The following NKAIN1 variants were observed in gnomAD, a reference collection of about 807,000 sequenced individuals.
NKAIN1 encodes sodium/potassium transporting ATPase interacting 1.
In NKAIN1, 13 loss-of-function variants were observed where a neutral mutation model predicts 31.6. That is an observed-to-expected ratio of 0.41 (90% CI 0.27 to 0.65). The LOEUF is 0.65. Among genes scored for constraint, NKAIN1 ranks in the 30% least tolerant of loss-of-function variants. NKAIN1 has a pLI of 0.30. For missense variants in NKAIN1, 193 were observed against 262.2 expected, an observed-to-expected ratio of 0.74 and a Z score of 1.82; for synonymous variants, 104 against 109.0, an observed-to-expected ratio of 0.95 and a Z score of 0.28.
Position 31,188,267 on chromosome 1 carries a change from G to A in NKAIN1, c.55-80C>T, listed in dbSNP as rs886470359. The A allele has an allele frequency of 2.0e-6, 3 of 1,472,402 alleles. No individual in the cohort carries two copies. The African/African-American group carries it at 4.2e-5, about 21-fold the overall frequency. 91.2% of individuals were successfully genotyped at this position (1,472,402 alleles called of 1,614,324 possible). On this transcript the variant is annotated intron_variant, in intron 1 of 6. Coordinates refer to ENST00000373736, the MANE Select transcript of NKAIN1 (RefSeq NM_024522.3). ...GATTCCTGCTTGACCTTGGGGAGCA[G>A]GTGGCACCAGTTACCATGGTGATGA...
At chr1:31,227,934 C>G (rs534404690) in intron 1 of NKAIN1, among the ~76,000 whole-genome samples, 2 of 152,264 alleles carry the variant, frequency 1.3e-5, no homozygotes, top group African/African-American at 2.4e-5. Flanking sequence ...TTCCTGTCCC[C>G]CTGGCCAGCC....
intron 1 of NKAIN1, among the ~76,000 whole-genome samples, chr1:31,217,988 G>T (rs1213208266): frequency 6.7e-6 from 1 of 149,844 alleles, no homozygotes; most frequent in Admixed American, 6.7e-5. Context: ...ATAATGATTT[G>T]TATTGGCCAT....
intron 1 of NKAIN1, among the ~76,000 whole-genome samples, chr1:31,196,808 C>CCAG (rs1414229435): frequency 1.3e-5 from 2 of 152,126 alleles, no homozygotes; most frequent in African/African-American, 4.8e-5. Context: ...CTCTCTCCTG[C>CCAG]CAGCAGCACT....
chr1:31,215,434 C>T (rs942042732), intron 1 of NKAIN1, among the ~76,000 whole-genome samples: 9 of 152,190 alleles, frequency 5.9e-5, no homozygotes, highest in East Asian at 1.9e-4. Context: ...TTGTGATTTA[C>T]GCTGCCCGTG....
chr1:31,239,477 G>C lies in NKAIN1; in HGVS notation c.54+17C>G. ...GCGCCCCACCCTGCCCCGACTGCCT[G>C]GGCACGCGACGCTTACCAGCTGCAG... is the stretch of plus-strand genomic sequence containing the variant. On this transcript the variant is annotated intron_variant, in intron 1 of 6. Transcript: ENST00000373736. The surrounding 1 kb of genome is among the most constrained non-coding windows in gnomAD (Gnocchi z 4.8). 1 of 1,441,360 alleles carries C rather than the reference G, an allele frequency of 6.9e-7. No homozygotes were observed. Among genetic ancestry groups the C allele is most frequent in the Non-Finnish European group, 9.1e-7 (1 of 1,102,232 alleles). The allele number at this position is 1,441,360 out of a possible 1,614,324, so 89.3% of individuals were successfully genotyped here.
At chr1:31,236,652 C>A (rs1007201165) in intron 1 of NKAIN1, among the ~76,000 whole-genome samples, 3 of 152,198 alleles carry the variant, frequency 2.0e-5, no homozygotes, top group Non-Finnish European at 4.4e-5. Flanking sequence ...CGCAAATGAT[C>A]TTGTGCAACC....
intron 1 of NKAIN1, among the ~76,000 whole-genome samples, chr1:31,196,465 A>C (rs1320252157): frequency 6.9e-6 from 1 of 144,992 alleles, no homozygotes; most frequent in African/African-American, 2.5e-5. Flanking sequence ...GTGAGCTGAG[A>C]TCGTGCCACT....
intron 1 of NKAIN1, among the ~76,000 whole-genome samples, chr1:31,192,166 G>A (rs1305007643): frequency 2.0e-5 from 3 of 152,142 alleles, no homozygotes; most frequent in East Asian, 3.9e-4. Flanking sequence ...TGGCCCACAG[G>A]TGCTGCTCTC....
rs539555175 is a variant in NKAIN1 at position 31,183,874 on chromosome 1, G to A, written c.414C>T (p.Cys138=). Residue 138 remains cysteine, a synonymous_variant, in exon 4 of 7, where the codon TGC becomes TGT. Coordinates refer to ENST00000373736, the MANE Select transcript of NKAIN1 (RefSeq NM_024522.3). The part of the protein sequence containing the change: ...EDHHVISVTG[C]LLDYPYIEAL... ...CTTCAATGTAGGGGTAGTCAAGCAG[G>A]CAGCCAGTGACAGAGATGACATGGT... is the stretch of plus-strand genomic sequence containing the variant. 3.7e-6 allele frequency: 6 copies of A among 1,614,126 alleles called. No homozygotes were observed. The Admixed American group carries it at 6.7e-5, about 18-fold the overall frequency.
At chr1:31,215,387 C>T (rs979247936) in intron 1 of NKAIN1, among the ~76,000 whole-genome samples, 2 of 152,172 alleles carry the variant, frequency 1.3e-5, no homozygotes, top group South Asian at 2.1e-4. Flanking sequence ...AGAATCACAG[C>T]AGGCACCAAC....
intron 1 of NKAIN1, among the ~76,000 whole-genome samples, chr1:31,229,140 G>A (rs1645628759): frequency 6.6e-6 from 1 of 152,168 alleles, no homozygotes; most frequent in Admixed American, 6.5e-5. Flanking sequence ...ATACACTAAG[G>A]TGACTCAGCA....
intron 3 of NKAIN1, among the ~76,000 whole-genome samples, chr1:31,184,492 C>T (rs564365198): frequency 6.0e-4 from 91 of 152,216 alleles, no homozygotes; most frequent in Non-Finnish European, 1.1e-3. Flanking sequence ...CACTGCCTGC[C>T]GACCAGGGGC....
At chr1:31,206,580 T>C (rs1302533548) in intron 1 of NKAIN1, among the ~76,000 whole-genome samples, 4 of 145,228 alleles carry the variant, frequency 2.8e-5, no homozygotes, top group African/African-American at 1.0e-4. Context: ...GGACCACAGG[T>C]GCACACCGCT....
intron 2 of NKAIN1, among the ~76,000 whole-genome samples, chr1:31,187,460 A>G (rs939618596): frequency 2.0e-5 from 3 of 152,168 alleles, no homozygotes; most frequent in African/African-American, 7.2e-5. Context: ...TAGCTGCTCC[A>G]GAACACATCC....
intron 1 of NKAIN1, among the ~76,000 whole-genome samples, chr1:31,209,989 T>TAAAAA (rs71569969): frequency 0.056 from 7,636 of 136,880 alleles, 305 homozygotes; most frequent in Admixed American, 0.14. Flanking sequence ...CCTGTCTTAT[T>TAAAAA]AAAAAAAAAA....
chr1:31,196,406 G>A (rs1030663510), intron 1 of NKAIN1, among the ~76,000 whole-genome samples: 7 of 151,874 alleles, frequency 4.6e-5, no homozygotes, highest in South Asian at 2.1e-4. Flanking sequence ...CCAGCTACTC[G>A]GGAGGCTGAG....
At chr1:31,200,123 C>T (rs931816475) in intron 1 of NKAIN1, among the ~76,000 whole-genome samples, 1 of 152,254 alleles carries the variant, frequency 6.6e-6, no homozygotes, top group African/African-American at 2.4e-5. Context: ...ACACCCCTCT[C>T]TCCTGTCTTT....
intron 1 of NKAIN1, 88 bp from the exon 2 acceptor site, chr1:31,188,275 C>T (rs1310471291): frequency 1.4e-5 from 20 of 1,429,862 alleles, no homozygotes; most frequent in Non-Finnish European, 1.8e-5. Context: ...CAGGTGGCAC[C>T]AGTTACCATG....
At chr1:31,228,645 G>T (rs556517799) in intron 1 of NKAIN1, among the ~76,000 whole-genome samples, 2 of 152,140 alleles carry the variant, frequency 1.3e-5, no homozygotes, top group East Asian at 3.9e-4. Flanking sequence ...TGAGGCTGGA[G>T]TACAGCGGCA....
Sources: gnomAD v4.1 joint callset for allele counts (sites outside exome capture counted in the v4.1 genomes callset) on GRCh38, gnomAD v4.1.1 for gene constraint, Gnocchi (gnomAD v3.1) non-coding constraint, MANE v1.5 for transcripts, NCBI Gene and HGNC (gene_info 2026-07-23, HGNC 2026-07-21) for gene names.